The following TMEM62 variants were observed in gnomAD, a reference collection of about 807,000 sequenced individuals.
TMEM62 encodes transmembrane protein 62.
Under a neutral mutation model 70.4 loss-of-function variants are expected in TMEM62, and 41 were observed. The observed-to-expected ratio is 0.58, with a 90% confidence interval of 0.45 to 0.76. The LOEUF (loss-of-function observed/expected upper bound fraction) is 0.76. TMEM62 is among the 30% of genes least tolerant of loss of function. The pLI is 0.00. For synonymous variants in TMEM62, 268 were observed against 291.0 expected (o/e 0.92, Z 0.80); for missense variants, 688 against 788.5 (o/e 0.87, Z 1.53).
chr15:43,181,782 G>A (rs1216446508), intron 13 of TMEM62, among the ~76,000 whole-genome samples: 3 of 152,318 alleles, frequency 2.0e-5, no homozygotes, highest in Admixed American at 6.5e-5. Flanking sequence ...GATTATAGGC[G>A]TGAGCCACCA....
At position 43,154,998 on chromosome 15, in the gene TMEM62, C is replaced by T. The variant is rs529547429; in HGVS notation, c.1182+167C>T. ...ATCCCAGCACTTTGGGAGGCCAAGGCAGGCAGATCACCTAAGCATAGGAGT... is the reference window on the plus strand; with the variant it reads ...ATCCCAGCACTTTGGGAGGCCAAGGTAGGCAGATCACCTAAGCATAGGAGT... On this transcript the variant is annotated intron_variant, in intron 9 of 13. Coordinates refer to ENST00000260403, the MANE Select transcript of TMEM62 (RefSeq NM_024956.4). 5.9e-5 allele frequency among the ~76,000 whole-genome samples: 9 copies of T among 152,144 alleles called. No homozygotes were observed. The East Asian group carries it at 1.7e-3, about 30-fold the overall frequency.
Position 43,146,483 on chromosome 15 carries a change from T to C in TMEM62, c.477-10T>C. 6.2e-7 allele frequency: 1 copy of C among 1,604,974 alleles called. No individual in the cohort carries two copies. The highest frequency in any genetic ancestry group is 8.5e-7 in the Non-Finnish European group (1 of 1,177,040). On this transcript the variant is annotated splice_polypyrimidine_tract_variant and intron_variant, in intron 4 of 13. Coordinates refer to ENST00000260403, the MANE Select transcript of TMEM62 (RefSeq NM_024956.4). The stretch of plus-strand genomic sequence containing the variant: ...ATTACACTAACACCCTCCTGTCTTC[T>C]ATTTTTTAGGAAATATTCTGCTGTA...
intron 4 of TMEM62, among the ~76,000 whole-genome samples, chr15:43,145,913 C>A (rs1309265944): frequency 6.6e-6 from 1 of 152,170 alleles, no homozygotes; most frequent in Non-Finnish European, 1.5e-5. Flanking sequence ...TTATGGACAC[C>A]TGAACACTGT....
At chr15:43,169,463 C>A in intron 10 of TMEM62, 130 bp from the exon 11 acceptor site, 1 of 753,024 alleles carries the variant, frequency 1.3e-6, no homozygotes, top group Admixed American at 2.8e-5. Context: ...GGACAAAGAC[C>A]AAAATATGTA....
intron 3 of TMEM62, among the ~76,000 whole-genome samples, chr15:43,137,929 T>G (rs139591156): frequency 6.6e-6 from 1 of 152,328 alleles, no homozygotes; most frequent in Non-Finnish European, 1.5e-5. Flanking sequence ...GGGCCTACAC[T>G]CTTGCTATGC....
Position 43,184,931 on chromosome 15 carries a change from C to A in TMEM62, c.*345C>A. 3.3e-6 allele frequency: 1 copy of A among 307,182 alleles called. No individual in the cohort carries two copies. Among genetic ancestry groups the A allele is most frequent in the Non-Finnish European group, 6.1e-6 (1 of 164,086 alleles). 19.0% of individuals were successfully genotyped at this position (307,182 alleles called of 1,614,324 possible). On this transcript the variant is annotated 3_prime_UTR_variant, in exon 14 of 14. Transcript: ENST00000260403. ...GCCCAGTGTGTTTTTTAGGGTTACC[C>A]CATGTAAAGCACTTACCGCTGTGCT...
At chr15:43,181,140 G>C in intron 12 of TMEM62, 41 bp from the exon 13 acceptor site, 1 of 1,230,808 alleles carries the variant, frequency 8.1e-7, no homozygotes, top group Non-Finnish European at 1.2e-6. Flanking sequence ...CAGAATTATA[G>C]TTATTTAATC....
At chr15:43,144,237 A>T (rs1421376185) in intron 4 of TMEM62, among the ~76,000 whole-genome samples, 1 of 152,248 alleles carries the variant, frequency 6.6e-6, no homozygotes, top group African/African-American at 2.4e-5. Flanking sequence ...AAAGCTACAG[A>T]CTGGGAAACC....
intron 11 of TMEM62, among the ~76,000 whole-genome samples, chr15:43,175,055 G>A (rs1438377109): frequency 6.6e-6 from 1 of 152,160 alleles, no homozygotes; most frequent in African/African-American, 2.4e-5. Flanking sequence ...ACAAGCATGA[G>A]TATTTTCTAA....
At chr15:43,140,312 CGG>C (rs1256187975) in intron 4 of TMEM62, among the ~76,000 whole-genome samples, 1 of 152,164 alleles carries the variant, frequency 6.6e-6, no homozygotes, top group African/African-American at 2.4e-5. Flanking sequence ...CTGCCTTCAC[CGG>C]GGCCACCTTC....
Position 43,183,943 on chromosome 15 carries a change from G to A in TMEM62, c.1606-317G>A, listed in dbSNP as rs559679940. ...ACTCCACCAAAAAAGAGGGGTTGTTGTATGTGTGTGTATACATTTACTCAG... is the reference window on the plus strand; with the variant it reads ...ACTCCACCAAAAAAGAGGGGTTGTTATATGTGTGTGTATACATTTACTCAG... On this transcript the variant is annotated intron_variant, in intron 13 of 13. Coordinates refer to ENST00000260403, the MANE Select transcript of TMEM62 (RefSeq NM_024956.4). The A allele has an allele frequency of 2.9e-4, 83 of 290,794 alleles. No individual in the cohort carries two copies. In the East Asian group the frequency reaches 5.0e-3, roughly 18 times the overall value. The allele number at this position is 290,794 out of a possible 1,614,324, so 18.0% of individuals were successfully genotyped here.
At chr15:43,173,631 C>T (rs1226935607) in intron 11 of TMEM62, among the ~76,000 whole-genome samples, 2 of 152,130 alleles carry the variant, frequency 1.3e-5, no homozygotes, top group Non-Finnish European at 2.9e-5. Flanking sequence ...TTTTTCTAAA[C>T]TTATCTAAAT....
rs750082475 is a variant in TMEM62 at position 43,151,911 on chromosome 15, C to G, written c.988C>G (p.Pro330Ala). 1 of 1,613,128 alleles carries G rather than the reference C, an allele frequency of 6.2e-7. No individual in the cohort carries two copies. The highest frequency in any genetic ancestry group is 8.5e-7 in the Non-Finnish European group (1 of 1,179,564). The stretch of plus-strand genomic sequence containing the variant: ...CCTTTATAGTTGTGGTGAACATGAA[C>G]CACTAGAAAGACTTCTTCACTCAAC... ...SLLYSCGEHE[P>A]LERLLHSTHI... The change falls in exon 8 of 14, where the codon CCA becomes GCA. Residue 330 changes from proline (P) to alanine (A), a missense_variant. Physicochemically the swap from Pro to Ala is conservative, Grantham distance 27. Coordinates refer to ENST00000260403, the MANE Select transcript of TMEM62 (RefSeq NM_024956.4).
chr15:43,166,143 C>A (rs1041752672), intron 10 of TMEM62, among the ~76,000 whole-genome samples: 1 of 152,214 alleles, frequency 6.6e-6, no homozygotes, highest in African/African-American at 2.4e-5. Flanking sequence ...AAGGGGGTGC[C>A]CCAAGCCCAG....
intron 7 of TMEM62, 73 bp from the exon 8 acceptor site, chr15:43,151,717 G>C: frequency 1.5e-6 from 2 of 1,303,458 alleles, no homozygotes; most frequent in Non-Finnish European, 2.1e-6. Flanking sequence ...TTTTATATTT[G>C]TTCTGTATAT....
chr15:43,168,022 G>A (rs2039737080), intron 10 of TMEM62, among the ~76,000 whole-genome samples: 3 of 152,054 alleles, frequency 2.0e-5, no homozygotes, highest in Admixed American at 6.5e-5. Context: ...CACTCGGCAG[G>A]CTGAGGCAGG....
At position 43,148,772 on chromosome 15, in the gene TMEM62, C is replaced by T. The variant is rs1279431264; in HGVS notation, c.636C>T (p.Leu212=). Residue 212 remains leucine (L), a synonymous_variant, in exon 6 of 14, where the codon CTC becomes CTT. Coordinates refer to ENST00000260403, the MANE Select transcript of TMEM62 (RefSeq NM_024956.4). ...GILDKKKMEE[L]LLLAKESSRS... ...CATCTCAGAAAAAGATGGAGGAGCT[C>T]TTATTACTGGCCAAGGAAAGCAGTC... The T allele has an allele frequency of 6.2e-7, 1 of 1,613,926 alleles. No individual in the cohort carries two copies. The highest frequency in any genetic ancestry group is 2.2e-5 in the East Asian group (1 of 44,866).
intron 11 of TMEM62, among the ~76,000 whole-genome samples, chr15:43,170,266 T>G (rs2040046057): frequency 1.3e-5 from 2 of 152,242 alleles, no homozygotes; most frequent in Admixed American, 1.3e-4. Context: ...TGACAAGGTG[T>G]GTCTGACCTC....
intron 10 of TMEM62, chr15:43,169,002 T>A (rs1180283762): frequency 1.3e-5 from 2 of 152,458 alleles, no homozygotes; most frequent in Non-Finnish European, 2.9e-5. Flanking sequence ...CAGCACTGAG[T>A]TCCAACGCAA....
Sources: allele counts gnomAD v4.1 joint callset (sites outside exome capture counted in the v4.1 genomes callset), GRCh38; gene constraint gnomAD v4.1.1; transcripts MANE v1.5; gene names NCBI Gene and HGNC (gene_info 2026-07-23, HGNC 2026-07-21).